The following BLTP3B variants were observed in gnomAD, a reference collection of about 807,000 sequenced individuals.
The protein encoded by BLTP3B is UHRF1 (ICBP90) binding protein 1-like.
the BLTP3B span, chr12:100,089,052 T>C: frequency 3.1e-6 from 5 of 1,609,716 alleles, no homozygotes; most frequent in Non-Finnish European, 3.4e-6. Context: ...ATTTGAAGTT[T>C]GCGTTGTCTT....
the BLTP3B span, among the ~76,000 whole-genome samples, chr12:100,088,523 C>A: frequency 6.6e-6 from 1 of 152,108 alleles, no homozygotes; most frequent in East Asian, 1.9e-4. Flanking sequence ...AACTGCAATG[C>A]TGAAAACACA....
the BLTP3B span, chr12:100,142,478 C>G: frequency 8.3e-7 from 1 of 1,198,146 alleles, no homozygotes; most frequent in Non-Finnish European, 1.2e-6. Context: ...CGGGGAAGTC[C>G]GAAGGTCGCC....
At chr12:100,051,018 C>G in the BLTP3B span, 19 of 1,589,484 alleles carry the variant, frequency 1.2e-5, no homozygotes, top group Non-Finnish European at 1.6e-5. Context: ...ATATACATGT[C>G]AAATATGAAA....
the BLTP3B span, among the ~76,000 whole-genome samples, chr12:100,045,308 A>C: frequency 6.6e-6 from 1 of 152,226 alleles, no homozygotes; most frequent in African/African-American, 2.4e-5. Flanking sequence ...CCTAAGCCAA[A>C]AGAACAAAGC....
the BLTP3B span, among the ~76,000 whole-genome samples, chr12:100,120,134 C>T: frequency 1.3e-5 from 2 of 152,200 alleles, no homozygotes; most frequent in Admixed American, 6.5e-5. Flanking sequence ...CCCAGCACTT[C>T]GGGAGGCCTA....
At chr12:100,113,719 A>C in the BLTP3B span, among the ~76,000 whole-genome samples, 1 of 152,054 alleles carries the variant, frequency 6.6e-6, no homozygotes, top group African/African-American at 2.4e-5. Flanking sequence ...GCACTTTGGG[A>C]GGCCAAGGTA....
At chr12:100,053,612 T>C in the BLTP3B span, among the ~76,000 whole-genome samples, 1 of 152,182 alleles carries the variant, frequency 6.6e-6, no homozygotes, top group Admixed American at 6.5e-5. Context: ...CATACCTTTG[T>C]ATGTATCTGA....
chr12:100,080,413 C>T, the BLTP3B span, among the ~76,000 whole-genome samples: 33 of 150,720 alleles, frequency 2.2e-4, no homozygotes, highest in Admixed American at 4.0e-4. Context: ...AGCACAGTGG[C>T]GCGATCTCAG....
the BLTP3B span, among the ~76,000 whole-genome samples, chr12:100,069,137 AG>A: frequency 6.6e-6 from 1 of 152,236 alleles, no homozygotes; most frequent in African/African-American, 2.4e-5. Context: ...GCTTGAACCC[AG>A]GAAGTGGAGG....
At chr12:100,133,618 T>C in the BLTP3B span, among the ~76,000 whole-genome samples, 1 of 152,216 alleles carries the variant, frequency 6.6e-6, no homozygotes, top group Non-Finnish European at 1.5e-5. Context: ...TGTGAGACCT[T>C]GGACAAGTCA....
At chr12:100,138,763 C>T in the BLTP3B span, among the ~76,000 whole-genome samples, 10 of 152,212 alleles carry the variant, frequency 6.6e-5, no homozygotes, top group African/African-American at 2.4e-4. Context: ...GTATCCAAAA[C>T]TTCCCTACCC....
chr12:100,125,335 CAA>C, the BLTP3B span, among the ~76,000 whole-genome samples: 19 of 74,074 alleles, frequency 2.6e-4, no homozygotes, highest in Non-Finnish European at 3.1e-4. Flanking sequence ...GTTTCCATCT[CAA>C]AAAAAAAAAA....
chr12:100,138,537 C>T, the BLTP3B span, among the ~76,000 whole-genome samples: 1 of 152,198 alleles, frequency 6.6e-6, no homozygotes, highest in South Asian at 2.1e-4. Flanking sequence ...TAGTATTACC[C>T]TCCCCTCCAA....
chr12:100,106,340 G>T, the BLTP3B span, among the ~76,000 whole-genome samples: 1 of 150,708 alleles, frequency 6.6e-6, no homozygotes, highest in Non-Finnish European at 1.5e-5. Context: ...CAATTGCAAA[G>T]ATATGGAATC....
chr12:100,102,080 G>A, the BLTP3B span, among the ~76,000 whole-genome samples: 3 of 150,976 alleles, frequency 2.0e-5, no homozygotes, highest in East Asian at 1.9e-4. Flanking sequence ...TATTACAGGC[G>A]TGGGCCACTA....
chr12:100,040,526 C>A, the BLTP3B span, among the ~76,000 whole-genome samples: 1 of 152,058 alleles, frequency 6.6e-6, no homozygotes, highest in Non-Finnish European at 1.5e-5. Context: ...ACTAAAGATA[C>A]AAAAATTAAC....
At chr12:100,102,704 T>C in the BLTP3B span, 611 of 879,122 alleles carry the variant, frequency 7.0e-4, 1 homozygote, top group African/African-American at 0.01. Flanking sequence ...TTAAGGCTTT[T>C]TTTTTTTTTT....
chr12:100,098,915 T>TAGAC, the BLTP3B span, among the ~76,000 whole-genome samples: 3 of 141,556 alleles, frequency 2.1e-5, no homozygotes, highest in East Asian at 2.0e-4. Flanking sequence ...TCTAAAAATA[T>TAGAC]AGACAGATAG....
the BLTP3B span, among the ~76,000 whole-genome samples, chr12:100,121,784 G>C: frequency 6.6e-6 from 1 of 152,110 alleles, no homozygotes; most frequent in South Asian, 2.1e-4. Context: ...AGCTGAGATC[G>C]TGCCACTGCA....
Sources: allele counts gnomAD v4.1 joint callset (sites outside exome capture counted in the v4.1 genomes callset), GRCh38; gene constraint gnomAD v4.1.1; transcripts MANE v1.5; gene names NCBI Gene and HGNC (gene_info 2026-07-23, HGNC 2026-07-21).